Variants in EZR observed in about 807,000 individuals in gnomAD.
The protein encoded by EZR is ezrin.
In EZR, 40 loss-of-function variants were observed where a neutral mutation model predicts 74.8. That is an observed-to-expected ratio of 0.53 (90% CI 0.42 to 0.70). The LOEUF (loss-of-function observed/expected upper bound fraction) is 0.70, where lower values mean the gene tolerates loss of function less well. Among genes scored for constraint, EZR ranks in the 30% least tolerant of loss-of-function variants. EZR has a pLI of 0.00. For synonymous variants in EZR, 341 were observed against 283.3 expected, an observed-to-expected ratio of 1.20 and a Z score of -2.05; for missense variants, 678 against 755.8, an observed-to-expected ratio of 0.90 and a Z score of 1.21.
intron 7 of EZR, among the ~76,000 whole-genome samples, chr6:158,781,971 G>T (rs894976564): frequency 4.6e-5 from 7 of 151,970 alleles, no homozygotes; most frequent in Admixed American, 2.6e-4. Flanking sequence ...TGTTCCCCAG[G>T]CTGGGCAAGA....
intron 2 of EZR, among the ~76,000 whole-genome samples, chr6:158,801,596 A>G (rs531955177): frequency 6.3e-4 from 96 of 152,332 alleles, no homozygotes; most frequent in African/African-American, 2.2e-3. Context: ...ACTCATTCTG[A>G]TAAGTTTTCA....
chr6:158,797,562 T>C (rs1746160775), intron 2 of EZR, among the ~76,000 whole-genome samples: 1 of 152,174 alleles, frequency 6.6e-6, no homozygotes, highest in Non-Finnish European at 1.5e-5. Flanking sequence ...TCCAGCCTTC[T>C]TCCGAAGGTG....
At chr6:158,778,316 C>T in intron 7 of EZR, among the ~76,000 whole-genome samples, 1 of 152,214 alleles carries the variant, frequency 6.6e-6, no homozygotes, top group East Asian at 1.9e-4. Flanking sequence ...AAAATTTAGG[C>T]CTCCGGCTCT....
Position 158,769,766 on chromosome 6 carries a change from AACTC to A in EZR, c.1251+14_1251+17del, listed in dbSNP as rs1397893264. On this transcript the variant is annotated intron_variant, in intron 11 of 13. Transcript: ENST00000367075. The stretch of plus-strand genomic sequence containing the variant: ...GCCTCTCTATAATTCAGCATCTTGA[AACTC>A]AGGCCATTCCTACCAGCTGCTCCTG... 14 of 1,613,074 alleles carry A rather than the reference AACTC, an allele frequency of 8.7e-6. No homozygotes were observed. Among genetic ancestry groups the A allele is most frequent in the Non-Finnish European group, 1.2e-5 (14 of 1,179,948 alleles).
In EZR at chr6:158,774,672, A is replaced by AACACACACACAC. The variant is rs56400693; in HGVS notation, c.795+1724_795+1735dup. Among the ~76,000 whole-genome samples the AACACACACACAC allele has an allele frequency of 2.9e-3, 414 of 142,508 alleles. 2 individuals carry two copies. Among genetic ancestry groups the AACACACACACAC allele is most frequent in the East Asian group, 0.02 (90 of 4,584 alleles). 93.5% of individuals were successfully genotyped at this position (142,508 alleles called of 152,430 possible). ...TTTTCAAGAGATGGACTTATCATCAAACACACACACACACACACACACACA... is the reference window on the plus strand; with the variant it reads ...TTTTCAAGAGATGGACTTATCATCAAACACACACACACACACACACACACACACACACACACA... On this transcript the variant is annotated intron_variant, in intron 8 of 13. Coordinates refer to ENST00000367075, the MANE Select transcript of EZR (RefSeq NM_001111077.2).
chr6:158,795,184 G>A (rs1377076540), intron 2 of EZR, among the ~76,000 whole-genome samples: 2 of 152,088 alleles, frequency 1.3e-5, no homozygotes, highest in African/African-American at 2.4e-5. Context: ...CCTGGGAGGC[G>A]GAGGTTGCAA....
Position 158,766,345 on chromosome 6 carries a change from AC to A in EZR, c.*568del, listed in dbSNP as rs1790836085. The stretch of plus-strand genomic sequence containing the variant: ...AAAAATCCAAGTGTCCTCCTCCACC[AC>A]TCACGCTGGTGATCACTGTGCTCTC... On this transcript the variant is annotated 3_prime_UTR_variant, in exon 14 of 14. Transcript: ENST00000367075. 1 of 151,468 alleles carries A rather than the reference AC, an allele frequency of 6.6e-6. No homozygotes were observed. Among genetic ancestry groups the A allele is most frequent in the Non-Finnish European group, 1.5e-5 (1 of 68,010 alleles). 9.4% of individuals were successfully genotyped at this position (151,468 alleles called of 1,614,324 possible).
intron 2 of EZR, among the ~76,000 whole-genome samples, chr6:158,811,162 C>G (rs1777443110): frequency 6.6e-6 from 1 of 152,158 alleles, no homozygotes; most frequent in Non-Finnish European, 1.5e-5. Flanking sequence ...GTAAATACAT[C>G]AGAAGGAAAA....
chr6:158,789,210 T>C, intron 3 of EZR, 78 bp downstream of exon 3: 1 of 1,095,126 alleles, frequency 9.1e-7, no homozygotes, highest in East Asian at 2.5e-5. Context: ...GTAATATGCT[T>C]CGCAAACAAA....
intron 9 of EZR, 45 bp from the exon 10 acceptor site, chr6:158,770,939 G>C: frequency 6.2e-7 from 1 of 1,613,690 alleles, no homozygotes; most frequent in Non-Finnish European, 8.5e-7. Flanking sequence ...GACTCTGGCA[G>C]GAAAGTGAGG....
chr6:158,773,771 C>T (rs746596933), intron 8 of EZR, among the ~76,000 whole-genome samples: 6 of 152,214 alleles, frequency 3.9e-5, no homozygotes, highest in South Asian at 2.1e-4. Context: ...GGAGTCAGAG[C>T]GGAAACGCTG....
At chr6:158,812,545 A>C (rs1288573972) in intron 2 of EZR, among the ~76,000 whole-genome samples, 3 of 152,194 alleles carry the variant, frequency 2.0e-5, no homozygotes, top group Non-Finnish European at 1.5e-5. Flanking sequence ...TTAGGTATGT[A>C]CGGTGTGTAC....
chr6:158,792,939 T>C lies in EZR; in HGVS notation c.13-3568A>G, dbSNP rs190400613. On this transcript the variant is annotated intron_variant, in intron 2 of 13. Transcript: ENST00000367075. ...CAATGCCAACTCTTAGCTGGTCCGA[T>C]CATTCCACAAAATTTTTTACCTATG... is the stretch of plus-strand genomic sequence containing the variant. 7.9e-5 allele frequency among the ~76,000 whole-genome samples: 12 copies of C among 152,120 alleles called. No homozygotes were observed. In the East Asian group the frequency reaches 1.9e-3, roughly 25 times the overall value.
chr6:158,774,672 AACACACACACACACACACACACACAC>A (rs56400693), intron 8 of EZR, among the ~76,000 whole-genome samples: 1 of 142,396 alleles, frequency 7.0e-6, no homozygotes. Flanking sequence ...CTTATCATCA[AACACACACACACACACACACACACAC>A]ACACACACAC....
At chr6:158,813,874 T>C (rs1777497758) in intron 2 of EZR, among the ~76,000 whole-genome samples, 1 of 152,154 alleles carries the variant, frequency 6.6e-6, no homozygotes, top group Admixed American at 6.5e-5. Context: ...TAAAGAGATC[T>C]CAGCCCTGAA....
intron 2 of EZR, among the ~76,000 whole-genome samples, chr6:158,806,736 T>C (rs3123129): frequency 0.52 from 79,320 of 151,992 alleles, 21,698 homozygotes; most frequent in Non-Finnish European, 0.61. Flanking sequence ...TATTTCCACA[T>C]TGCCTTGTTC....
At chr6:158,786,475 G>A (rs553037380) in intron 4 of EZR, among the ~76,000 whole-genome samples, 2 of 152,358 alleles carry the variant, frequency 1.3e-5, no homozygotes, top group South Asian at 4.1e-4. Flanking sequence ...ATGGGATGAT[G>A]CTATCAATCC....
chr6:158,799,777 C>CAA lies in EZR; in HGVS notation c.13-10407_13-10406insTT, dbSNP rs1375679027. Among the ~76,000 whole-genome samples, 15 of 152,330 alleles carry CAA rather than the reference C, an allele frequency of 9.8e-5. 1 individual carries two copies. Among genetic ancestry groups the CAA allele is most frequent in the Admixed American group, 9.1e-4 (14 of 15,304 alleles). ...TCAAGGCAGGCAAAGCAGAAAAGCC[C>CAA]GAGAGGCAAGTGAATTGTCTGTAGG... On this transcript the variant is annotated intron_variant, in intron 2 of 13. Coordinates refer to ENST00000367075, the MANE Select transcript of EZR (RefSeq NM_001111077.2).
At chr6:158,768,410 C>G (rs1443959036) in intron 12 of EZR, among the ~76,000 whole-genome samples, 2 of 152,056 alleles carry the variant, frequency 1.3e-5, no homozygotes, top group Admixed American at 6.5e-5. Flanking sequence ...CAGCCTAATA[C>G]AGATCGGCAG....
Sources: allele counts gnomAD v4.1 joint callset (sites outside exome capture counted in the v4.1 genomes callset), GRCh38; gene constraint gnomAD v4.1.1; transcripts MANE v1.5; gene names NCBI Gene and HGNC (gene_info 2026-07-23, HGNC 2026-07-21).